The following PLEKHG1 variants were observed in gnomAD, a reference collection of about 807,000 sequenced individuals.
PLEKHG1 encodes the protein pleckstrin homology domain-containing family G member 1.
Under a neutral mutation model 100.8 loss-of-function variants are expected in PLEKHG1, and 44 were observed. The ratio of observed to expected loss-of-function variants is 0.44; its 90% CI spans 0.34 to 0.56. The LOEUF (loss-of-function observed/expected upper bound fraction) is 0.56, where lower values mean the gene tolerates loss of function less well. PLEKHG1 is among the 20% of genes least tolerant of loss of function. The pLI, the probability that PLEKHG1 is intolerant of heterozygous loss-of-function variation, is 0.01. For missense variants in PLEKHG1, 1,545 were observed against 1,720.9 expected, an observed-to-expected ratio of 0.90 and a Z score of 1.81; for synonymous variants, 640 against 662.5, an observed-to-expected ratio of 0.97 and a Z score of 0.52.
intron 3 of PLEKHG1, among the ~76,000 whole-genome samples, chr6:150,709,058 G>A (rs1197404487): frequency 2.6e-5 from 4 of 152,206 alleles, no homozygotes; most frequent in Admixed American, 2.6e-4. Context: ...ACAGGGCTGG[G>A]CGCGGTGGCT....
intron 13 of PLEKHG1, among the ~76,000 whole-genome samples, chr6:150,821,599 G>C (rs182697284): frequency 6.6e-6 from 1 of 151,828 alleles, no homozygotes; most frequent in South Asian, 2.1e-4. Flanking sequence ...CAGGAGAATC[G>C]CCTGAACCTG....
intron 3 of PLEKHG1, among the ~76,000 whole-genome samples, chr6:150,652,926 T>C (rs926390930): frequency 6.6e-6 from 1 of 152,198 alleles, no homozygotes; most frequent in Admixed American, 6.5e-5. Flanking sequence ...TACTCAAAGT[T>C]ATTACAAAGA....
chr6:150,687,329 G>A (rs1416477703), intron 3 of PLEKHG1, among the ~76,000 whole-genome samples: 1 of 152,128 alleles, frequency 6.6e-6, no homozygotes, highest in Non-Finnish European at 1.5e-5. Context: ...CTGGCTTTTG[G>A]CAAATTTTAG....
chr6:150,634,104 C>T (rs1262349154), intron 1 of PLEKHG1, among the ~76,000 whole-genome samples: 1 of 151,530 alleles, frequency 6.6e-6, no homozygotes, highest in African/African-American at 2.4e-5. Flanking sequence ...AAAATCCGGG[C>T]GTGGTGGCAG....
At chr6:150,629,524 A>G (rs1562394247) in intron 1 of PLEKHG1, among the ~76,000 whole-genome samples, 1 of 151,964 alleles carries the variant, frequency 6.6e-6, no homozygotes, top group African/African-American at 2.4e-5. Flanking sequence ...GCAGTGGCGC[A>G]ATCTCGGCTT....
chr6:150,667,579 A>G (rs1779445680), intron 3 of PLEKHG1, among the ~76,000 whole-genome samples: 1 of 152,222 alleles, frequency 6.6e-6, no homozygotes, highest in South Asian at 2.1e-4. Context: ...ACTTTTATTT[A>G]TAGCAGTCTA....
intron 3 of PLEKHG1, among the ~76,000 whole-genome samples, chr6:150,693,533 G>A (rs1213946574): frequency 6.6e-6 from 1 of 152,162 alleles, no homozygotes; most frequent in Non-Finnish European, 1.5e-5. Flanking sequence ...CTGAGGTCCT[G>A]CATCAGTAAC....
At chr6:150,668,494 G>A (rs1562423734) in intron 3 of PLEKHG1, among the ~76,000 whole-genome samples, 2 of 152,314 alleles carry the variant, frequency 1.3e-5, no homozygotes, top group African/African-American at 2.4e-5. Context: ...CATATTAAAT[G>A]TAGTGTCTAT....
chr6:150,674,628 C>CTCTCT lies in PLEKHG1; in HGVS notation c.-99+23842_-99+23843insTCTCT, dbSNP rs1554258825. 2.5e-3 allele frequency among the ~76,000 whole-genome samples: 132 copies of CTCTCT among 51,790 alleles called. 9 individuals are homozygous for CTCTCT. The highest frequency in any genetic ancestry group is 0.014 in the Middle Eastern group (1 of 70). 34.0% of individuals were successfully genotyped at this position (51,790 alleles called of 152,430 possible). A position where few individuals can be genotyped will look rare whatever the true frequency, so the allele number is the denominator to read the frequency against. ...ATTACACCTGTAACTTTCTCTCTCT[C>CTCTCT]CTCCCTCTCTCTCTCTCTCTCTCTC... On this transcript the variant is annotated intron_variant, in intron 3 of 3. Transcript: ENST00000367326.
intron 1 of PLEKHG1, among the ~76,000 whole-genome samples, chr6:150,606,867 C>T (rs1430071237): frequency 2.0e-5 from 3 of 152,044 alleles, no homozygotes; most frequent in African/African-American, 7.2e-5. Context: ...GGAATCTGTT[C>T]CTTTGGGGCA....
intron 3 of PLEKHG1, among the ~76,000 whole-genome samples, chr6:150,703,297 A>T (rs879314593): frequency 1.3e-5 from 2 of 152,168 alleles, no homozygotes; most frequent in African/African-American, 2.4e-5. Flanking sequence ...ATATAATTTT[A>T]TTCAGTCCGT....
chr6:150,658,472 C>T (rs758494682), intron 3 of PLEKHG1, among the ~76,000 whole-genome samples: 1 of 152,110 alleles, frequency 6.6e-6, no homozygotes, highest in Admixed American at 6.6e-5. Context: ...CAAAGATAAA[C>T]GGAGTTCAGC....
exon 15 of PLEKHG1, chr6:150,830,959 C>T (rs1212368221): frequency 6.8e-6 from 11 of 1,613,942 alleles, no homozygotes; most frequent in Middle Eastern, 1.6e-4. Context: ...GGGAGAGCAA[C>T]ACATGCCCTC....
At position 150,748,684 on chromosome 6, in the gene PLEKHG1, G is replaced by A. The variant is rs550945444; in HGVS notation, c.411+14592G>A. ...CCTAGGCTGGAGTGTGCAGTGCCACGATCACGGCTCACTGCAACCTCCACC... is the reference window on the plus strand; with the variant it reads ...CCTAGGCTGGAGTGTGCAGTGCCACAATCACGGCTCACTGCAACCTCCACC... On this transcript the variant is annotated intron_variant, in intron 2 of 15. Transcript: ENST00000358517. Among the ~76,000 whole-genome samples the A allele has an allele frequency of 1.5e-4, 21 of 142,186 alleles. No homozygotes were observed. In the East Asian group the frequency reaches 1.9e-3, roughly 13 times the overall value. 93.3% of individuals were successfully genotyped at this position (142,186 alleles called of 152,430 possible).
chr6:150,610,463 A>G (rs912726075), intron 1 of PLEKHG1, among the ~76,000 whole-genome samples: 3 of 152,222 alleles, frequency 2.0e-5, no homozygotes. Flanking sequence ...TTCCCTCACT[A>G]GACTACAAGC....
At chr6:150,681,456 G>A (rs1779928689) in intron 3 of PLEKHG1, among the ~76,000 whole-genome samples, 1 of 150,818 alleles carries the variant, frequency 6.6e-6, no homozygotes, top group Non-Finnish European at 1.5e-5. Context: ...AGGTGGCAGT[G>A]TGCCAAGATT....
rs1174125555 is a variant in PLEKHG1, at chr6:150,669,271, G to A, written c.-99+18485G>A. ...GGGATGTGTTTTTGCTGTACAGAATGAGTAGGAGTGAGGAGAAAAGATGAC... is the reference window on the plus strand; with the variant it reads ...GGGATGTGTTTTTGCTGTACAGAATAAGTAGGAGTGAGGAGAAAAGATGAC... On this transcript the variant is annotated intron_variant, in intron 3 of 3. Transcript: ENST00000367326. Among the ~76,000 whole-genome samples the A allele has an allele frequency of 3.9e-5, 6 of 152,276 alleles. No individual in the cohort carries two copies. The South Asian group carries it at 1.0e-3, about 26-fold the overall frequency.
At chr6:150,711,720 C>T (rs1214107896) in intron 3 of PLEKHG1, among the ~76,000 whole-genome samples, 1 of 152,176 alleles carries the variant, frequency 6.6e-6, no homozygotes, top group African/African-American at 2.4e-5. Flanking sequence ...GTTTTGTTCA[C>T]TCTTGTGTCT....
rs145357184 is a variant in PLEKHG1 at position 150,712,672 on chromosome 6, T to A, written c.-98-20912T>A. ...CTGTTAACATAAACAAGTTACTTCA[T>A]GTACCTCTGTGGGAACTGGGAATTA... On this transcript the variant is annotated intron_variant, in intron 3 of 3. Transcript: ENST00000367326. Among the ~76,000 whole-genome samples the A allele has an allele frequency of 2.6e-5, 4 of 152,358 alleles. No homozygotes were observed. In the East Asian group the frequency reaches 7.7e-4, roughly 29 times the overall value.
Sources: allele counts gnomAD v4.1 joint callset (sites outside exome capture counted in the v4.1 genomes callset), GRCh38; gene constraint gnomAD v4.1.1; transcripts MANE v1.5; gene names NCBI Gene and HGNC (gene_info 2026-07-23, HGNC 2026-07-21).